Variants in CACNB2 observed in about 807,000 individuals in gnomAD.
CACNB2 encodes voltage-dependent L-type calcium channel subunit beta-2.
In CACNB2, 42 loss-of-function variants were observed where a neutral mutation model predicts 73.3. The ratio of observed to expected loss-of-function variants is 0.57; its 90% CI spans 0.45 to 0.74. The LOEUF (loss-of-function observed/expected upper bound fraction) is 0.74, where lower values mean the gene tolerates loss of function less well. CACNB2 is among the 30% of genes least tolerant of loss of function. CACNB2 has a pLI of 0.00. For synonymous variants in CACNB2, 348 were observed against 310.3 expected (o/e 1.12, Z -1.28); for missense variants, 940 against 853.0 (o/e 1.10, Z -1.27).
intron 2 of CACNB2, among the ~76,000 whole-genome samples, chr10:18,166,687 C>G (rs1417047406): frequency 6.6e-6 from 1 of 152,030 alleles, no homozygotes; most frequent in Non-Finnish European, 1.5e-5. Flanking sequence ...ACTGAGGGCC[C>G]CAGGTGGCTC....
rs568417888 is a variant in CACNB2, at chr10:18,214,374, G to A, written c.213+63399G>A. Among the ~76,000 whole-genome samples the A allele has an allele frequency of 2.7e-5, 2 of 74,756 alleles. 1 individual carries two copies. Among genetic ancestry groups the A allele is most frequent in the Non-Finnish European group, 8.3e-5 (2 of 24,096 alleles). The allele number at this position is 74,756 out of a possible 152,430, so 49.0% of individuals were successfully genotyped here. Reference sequence around the variant, plus strand: ...GGTGCAGTGGCTCACGCCTGTAATCGCAGCACTTTGAGAGGCCGAGGCAGG... The same window carrying A: ...GGTGCAGTGGCTCACGCCTGTAATCACAGCACTTTGAGAGGCCGAGGCAGG... On this transcript the variant is annotated intron_variant, in intron 2 of 13. Coordinates refer to ENST00000324631, the MANE Select transcript of CACNB2 (RefSeq NM_201596.3).
Position 18,401,979 on chromosome 10 carries a change from A to G in CACNB2, c.269A>G (p.Glu90Gly), listed in dbSNP as rs2044021121. 6.2e-7 allele frequency: 1 copy of G among 1,614,056 alleles called. No homozygotes were observed. Among genetic ancestry groups the G allele is most frequent in the East Asian group, 2.2e-5 (1 of 44,892 alleles). ...RPSDSDVSLE[E>G]DREAVRREAE... ...TCCGATTCCGATGTATCTCTGGAGG[A>G]GGACCGGGAGGCAGTGCGCAGAGAA... The change falls in exon 3 of 14, where the codon GAG becomes GGG. Residue 90 changes from glutamate to glycine, a missense_variant. Coordinates refer to ENST00000324631, the MANE Select transcript of CACNB2 (RefSeq NM_201596.3).
intron 2 of CACNB2, among the ~76,000 whole-genome samples, chr10:18,259,987 G>C (rs1033474556): frequency 1.4e-4 from 21 of 152,204 alleles, no homozygotes; most frequent in African/African-American, 4.6e-4. Context: ...AAAGGATGTA[G>C]TGGTGGTTAA....
intron 3 of CACNB2, among the ~76,000 whole-genome samples, chr10:18,476,430 C>T (rs1300604235): frequency 3.3e-5 from 5 of 152,176 alleles, no homozygotes; most frequent in African/African-American, 7.2e-5. Flanking sequence ...AGCCCGGTTA[C>T]AGAATTTTGT....
intron 2 of CACNB2, among the ~76,000 whole-genome samples, chr10:18,368,375 G>T (rs1275342523): frequency 1.3e-5 from 2 of 152,132 alleles, no homozygotes; most frequent in Non-Finnish European, 2.9e-5. Flanking sequence ...GGAACTGAAA[G>T]TGATTGCAAA....
intron 2 of CACNB2, among the ~76,000 whole-genome samples, chr10:18,360,107 T>C (rs932675620): frequency 2.6e-5 from 4 of 152,174 alleles, no homozygotes; most frequent in Non-Finnish European, 5.9e-5. Flanking sequence ...TGAATCAACA[T>C]TGTAAGAACA....
chr10:18,159,066 T>C (rs977181235), intron 2 of CACNB2, among the ~76,000 whole-genome samples: 3 of 152,168 alleles, frequency 2.0e-5, no homozygotes. Flanking sequence ...TTTTTCTTTT[T>C]TGAAAATGTC....
chr10:18,262,336 G>A (rs2037589800), intron 2 of CACNB2, among the ~76,000 whole-genome samples: 2 of 152,124 alleles, frequency 1.3e-5, no homozygotes, highest in Non-Finnish European at 2.9e-5. Context: ...AGGGCAGGGA[G>A]AGATAACTAT....
rs1382516079 is a variant in CACNB2 at position 18,498,482 on chromosome 10, G to A, written c.456+5G>A. ...GATTTTCTGCATGTTAAGGAAGTAA[G>A]GAGAATAATTTCATTTTCTAACAGC... On this transcript the variant is annotated splice_donor_5th_base_variant and intron_variant, in intron 4 of 13. Coordinates refer to ENST00000324631, the MANE Select transcript of CACNB2 (RefSeq NM_201596.3). 1.2e-6 allele frequency: 2 copies of A among 1,613,758 alleles called. No individual in the cohort carries two copies. Among genetic ancestry groups the A allele is most frequent in the South Asian group, 2.2e-5 (2 of 91,064 alleles).
rs78352576 is a variant in CACNB2 at position 18,320,231 on chromosome 10, T to G, written c.214-81693T>G. On this transcript the variant is annotated intron_variant, in intron 2 of 13. Coordinates refer to ENST00000324631, the MANE Select transcript of CACNB2 (RefSeq NM_201596.3). ...ACCCAATCCTCATGTACTCTCCAAT[T>G]TTTCTACCAGATTGGAAGCTGTTTG... Among the ~76,000 whole-genome samples the G allele has an allele frequency of 2.3e-3, 353 of 152,326 alleles. 3 individuals carry two copies. Among genetic ancestry groups the G allele is most frequent in the African/African-American group, 7.9e-3 (330 of 41,568 alleles).
intron 3 of CACNB2, among the ~76,000 whole-genome samples, chr10:18,455,039 TA>T (rs56167015): frequency 0.029 from 3,995 of 137,772 alleles, 67 homozygotes; most frequent in East Asian, 0.086. Flanking sequence ...CCCAATCTCT[TA>T]AAAAAAAAAA....
At chr10:18,203,402 T>C (rs1009138189) in intron 2 of CACNB2, among the ~76,000 whole-genome samples, 52 of 152,226 alleles carry the variant, frequency 3.4e-4, no homozygotes, top group African/African-American at 1.2e-3. Flanking sequence ...TTGTTTGATA[T>C]TTACAGCTTT....
chr10:18,367,788 T>C (rs2042417168), intron 2 of CACNB2, among the ~76,000 whole-genome samples: 1 of 152,226 alleles, frequency 6.6e-6, no homozygotes, highest in African/African-American at 2.4e-5. Context: ...TAGAAAGCTA[T>C]ATTAAACCAT....
At chr10:18,220,239 A>AGTTGGGGG (rs1291259522) in intron 2 of CACNB2, among the ~76,000 whole-genome samples, 2,370 of 69,414 alleles carry the variant, frequency 0.034, 170 homozygotes, top group East Asian at 0.11. Flanking sequence ...ATATAGAGAG[A>AGTTGGGGG]GAGAGAGAGA....
intron 3 of CACNB2, among the ~76,000 whole-genome samples, chr10:18,469,040 G>A (rs1206059171): frequency 6.6e-6 from 1 of 152,160 alleles, no homozygotes; most frequent in Non-Finnish European, 1.5e-5. Flanking sequence ...TTTGACCCAG[G>A]AGTGCAAAAG....
intron 2 of CACNB2, among the ~76,000 whole-genome samples, chr10:18,380,497 C>T (rs1051355188): frequency 6.7e-6 from 1 of 148,270 alleles, no homozygotes; most frequent in Non-Finnish European, 1.5e-5. Context: ...CTCTGTTGCC[C>T]AGGCTGGAGT....
intron 2 of CACNB2, among the ~76,000 whole-genome samples, chr10:18,315,265 T>C (rs546159181): frequency 6.8e-4 from 103 of 151,658 alleles, no homozygotes; most frequent in Non-Finnish European, 1.3e-3. Context: ...ACTTGGGAGG[T>C]GGAGGTTGCA....
chr10:18,267,703 G>T (rs2037873462), intron 2 of CACNB2, among the ~76,000 whole-genome samples: 1 of 152,190 alleles, frequency 6.6e-6, no homozygotes, highest in South Asian at 2.1e-4. Context: ...GTTGGTGGTT[G>T]GCAACCTCTG....
intron 3 of CACNB2, among the ~76,000 whole-genome samples, chr10:18,480,281 T>TA (rs11409944): frequency 2.6e-5 from 4 of 151,936 alleles, no homozygotes; most frequent in African/African-American, 7.3e-5. Context: ...ATTGTTTTTT[T>TA]AATATTGGAG....
Sources: allele counts gnomAD v4.1 joint callset (sites outside exome capture counted in the v4.1 genomes callset), GRCh38; gene constraint gnomAD v4.1.1; transcripts MANE v1.5; gene names NCBI Gene and HGNC (gene_info 2026-07-23, HGNC 2026-07-21).